Variants in CAP2 observed in about 807,000 individuals in gnomAD.
The protein encoded by CAP2 is cyclase associated actin cytoskeleton regulatory protein 2, also known as adenylyl cyclase-associated protein 2.
CAP2 carries 24 observed loss-of-function variants against 57.7 expected under a neutral mutation model. The ratio of observed to expected loss-of-function variants is 0.42; its 90% CI spans 0.30 to 0.58. The LOEUF is 0.58. Among genes scored for constraint, CAP2 ranks in the 20% least tolerant of loss-of-function variants. The probability of loss-of-function intolerance (pLI) is 0.22; values close to 1 mark genes in which losing one functional copy is unlikely to be tolerated. For missense variants in CAP2, 501 were observed against 590.3 expected (o/e 0.85, Z 1.57); for synonymous variants, 194 against 207.2 (o/e 0.94, Z 0.55).
chr6:17,479,673 A>G (rs1203605309), intron 4 of CAP2, among the ~76,000 whole-genome samples: 2 of 142,366 alleles, frequency 1.4e-5, no homozygotes, highest in East Asian at 2.0e-4. Flanking sequence ...GTGCAGTGGC[A>G]CGATCTCGGC....
Position 17,465,476 on chromosome 6 carries a change from T to A in CAP2, c.300+2403T>A, listed in dbSNP as rs962340208. On this transcript the variant is annotated intron_variant, in intron 4 of 12. Coordinates refer to ENST00000229922, the MANE Select transcript of CAP2 (RefSeq NM_006366.3). ...AAGGCCTGGACCAGGACCAGGAAAA[T>A]GCAGAGCAGGCTTATGATGCCTACC... Among the ~76,000 whole-genome samples the A allele has an allele frequency of 4.6e-5, 7 of 152,158 alleles. No individual in the cohort carries two copies. The East Asian group carries it at 9.6e-4, about 21-fold the overall frequency.
intron 4 of CAP2, among the ~76,000 whole-genome samples, chr6:17,488,194 C>T (rs1397712943): frequency 6.6e-6 from 1 of 152,220 alleles, no homozygotes; most frequent in Non-Finnish European, 1.5e-5. Flanking sequence ...AGGCATGAGC[C>T]ACCACATCCA....
chr6:17,489,446 A>T (rs1761497352), intron 4 of CAP2, among the ~76,000 whole-genome samples: 1 of 152,078 alleles, frequency 6.6e-6, no homozygotes, highest in Non-Finnish European at 1.5e-5. Flanking sequence ...AACAAACAAA[A>T]CAAAAGAAAA....
In CAP2 at chr6:17,556,932, G is replaced by A. The variant is rs1183123666; in HGVS notation, c.*490G>A. On this transcript the variant is annotated 3_prime_UTR_variant, in exon 13 of 13. Coordinates refer to ENST00000229922, the MANE Select transcript of CAP2 (RefSeq NM_006366.3). ...TGTTACCACATGTTCACCTTTATCA[G>A]CGTGGATACTGTCAGCATGAGTACA... The A allele has an allele frequency of 1.3e-5, 2 of 156,896 alleles. No homozygotes were observed. Among genetic ancestry groups the A allele is most frequent in the African/African-American group, 2.4e-5 (1 of 41,432 alleles). 9.7% of individuals were successfully genotyped at this position (156,896 alleles called of 1,614,324 possible).
chr6:17,493,392 A>C, intron 4 of CAP2: 1 of 373,620 alleles, frequency 2.7e-6, no homozygotes, highest in Non-Finnish European at 5.5e-6. Context: ...AACAAGTTTT[A>C]GGATATAATG....
chr6:17,479,033 T>A (rs944088996), intron 4 of CAP2, among the ~76,000 whole-genome samples: 8 of 152,194 alleles, frequency 5.3e-5, no homozygotes, highest in African/African-American at 1.9e-4. Flanking sequence ...AGAAGAGGAC[T>A]TTCTCAAACC....
chr6:17,529,532 T>A (rs946178278), intron 7 of CAP2, among the ~76,000 whole-genome samples: 5 of 151,472 alleles, frequency 3.3e-5, no homozygotes, highest in African/African-American at 1.2e-4. Context: ...TCCCAGCTAC[T>A]CAGGAGGCTG....
intron 3 of CAP2, among the ~76,000 whole-genome samples, chr6:17,438,431 G>GTGTTTTGTTTTT (rs200676570): frequency 1.2e-5 from 1 of 85,466 alleles, no homozygotes; most frequent in African/African-American, 6.2e-5. Context: ...CCATCCAGAA[G>GTGTTTTGTTTTT]TGTTTTTTTT....
At chr6:17,451,666 C>T (rs967413396) in intron 3 of CAP2, among the ~76,000 whole-genome samples, 19 of 152,154 alleles carry the variant, frequency 1.2e-4, no homozygotes, top group African/African-American at 3.9e-4. Flanking sequence ...CCCGCCACCA[C>T]GCTCAGCTAA....
At chr6:17,463,806 A>G (rs1470229654) in intron 4 of CAP2, among the ~76,000 whole-genome samples, 2 of 152,236 alleles carry the variant, frequency 1.3e-5, no homozygotes, top group Non-Finnish European at 2.9e-5. Context: ...CTCTTCCACC[A>G]TAAATATGAA....
Position 17,433,798 on chromosome 6 carries a change from AG to A in CAP2, c.222+7109del, listed in dbSNP as rs1183193656. 2.0e-5 allele frequency among the ~76,000 whole-genome samples: 3 copies of A among 152,268 alleles called. No individual in the cohort carries two copies. In the South Asian group the frequency reaches 6.2e-4, roughly 31 times the overall value. On this transcript the variant is annotated intron_variant, in intron 3 of 12. Transcript: ENST00000229922. ...TGCTACCAAACATGCTTTGATTCAC[AG>A]CCCATCTCCTGCTAAATCTCAGGCC...
intron 4 of CAP2, among the ~76,000 whole-genome samples, chr6:17,501,457 T>C (rs925863775): frequency 6.6e-6 from 1 of 152,200 alleles, no homozygotes; most frequent in Non-Finnish European, 1.5e-5. Flanking sequence ...TTGATTTTTA[T>C]AATCAGAAAA....
chr6:17,519,494 C>A (rs1394681198), intron 7 of CAP2, among the ~76,000 whole-genome samples: 1 of 152,076 alleles, frequency 6.6e-6, no homozygotes, highest in African/African-American at 2.4e-5. Context: ...TAGAAAGACC[C>A]CACACCAGAA....
At chr6:17,485,051 A>G (rs1340382276) in intron 4 of CAP2, among the ~76,000 whole-genome samples, 1 of 152,146 alleles carries the variant, frequency 6.6e-6, no homozygotes, top group African/African-American at 2.4e-5. Flanking sequence ...AAGGGACAGT[A>G]TTTGTTTTGT....
chr6:17,432,975 C>T (rs1222817482), intron 3 of CAP2, among the ~76,000 whole-genome samples: 2 of 147,176 alleles, frequency 1.4e-5, no homozygotes, highest in African/African-American at 2.5e-5. Context: ...CCCCTCCCTC[C>T]CTCTCTCCCT....
rs908249892 is a variant in CAP2, at chr6:17,556,299, C to G, written c.1351-60C>G. ...CTCACCATCTGTTTGCAAAAGGAAG[C>G]CTTAGTTTAAATAACTTTGTTGTAG... On this transcript the variant is annotated intron_variant, in intron 12 of 12. Transcript: ENST00000229922. 35 of 1,205,236 alleles carry G rather than the reference C, an allele frequency of 2.9e-5. No homozygotes were observed. The African/African-American group carries it at 4.6e-4, about 16-fold the overall frequency. The allele number at this position is 1,205,236 out of a possible 1,614,324, so 74.7% of individuals were successfully genotyped here.
intron 3 of CAP2, among the ~76,000 whole-genome samples, chr6:17,429,857 T>C (rs1339397293): frequency 6.6e-6 from 1 of 152,216 alleles, no homozygotes; most frequent in Non-Finnish European, 1.5e-5. Flanking sequence ...GAACATGCCG[T>C]TTATTTTTTC....
chr6:17,456,155 G>A (rs1327121623), intron 3 of CAP2, among the ~76,000 whole-genome samples: 2 of 152,178 alleles, frequency 1.3e-5, no homozygotes, highest in Admixed American at 6.5e-5. Flanking sequence ...GAATTCTCGG[G>A]CCAACCCAAA....
chr6:17,535,287 T>C (rs1406799081), intron 7 of CAP2, among the ~76,000 whole-genome samples: 1 of 151,700 alleles, frequency 6.6e-6, no homozygotes, highest in Non-Finnish European at 1.5e-5. Flanking sequence ...TTTTTTTTTT[T>C]TTTTGAGATG....
Sources: gnomAD v4.1 joint callset for allele counts (sites outside exome capture counted in the v4.1 genomes callset) on GRCh38, gnomAD v4.1.1 for gene constraint, MANE v1.5 for transcripts, NCBI Gene and HGNC (gene_info 2026-07-23, HGNC 2026-07-21) for gene names.